Variants in TMEM132D observed in about 807,000 individuals in gnomAD.
TMEM132D encodes mature OL transmembrane protein.
A neutral mutation model predicts 62.3 loss-of-function variants in TMEM132D; 21 were observed. The ratio of observed to expected loss-of-function variants is 0.34; its 90% CI spans 0.24 to 0.49. The LOEUF (loss-of-function observed/expected upper bound fraction) is 0.49, where lower values mean the gene tolerates loss of function less well. Ranked by LOEUF, TMEM132D falls within the 20% of genes least tolerant of loss-of-function variation. The pLI is 0.99. For synonymous variants in TMEM132D, 621 were observed against 575.6 expected (o/e 1.08, Z -1.13); for missense variants, 1,346 against 1,402.8 (o/e 0.96, Z 0.65).
intron 5 of TMEM132D, among the ~76,000 whole-genome samples, chr12:129,167,375 T>C (rs1877597037): frequency 6.6e-6 from 1 of 152,096 alleles, no homozygotes; most frequent in African/African-American, 2.4e-5. Context: ...TCCAGCTATG[T>C]GGCTGTTGGC....
chr12:129,833,014 C>A (rs1486877681), intron 1 of TMEM132D, among the ~76,000 whole-genome samples: 1 of 152,226 alleles, frequency 6.6e-6, no homozygotes, highest in Admixed American at 6.5e-5. Flanking sequence ...GTTCTTCACA[C>A]TGATGCCTCT....
intron 5 of TMEM132D, among the ~76,000 whole-genome samples, chr12:129,089,603 G>T (rs1181942570): frequency 2.0e-5 from 3 of 152,222 alleles, no homozygotes; most frequent in Non-Finnish European, 4.4e-5. Flanking sequence ...CCTGACCGGG[G>T]TGTCCTCCCT....
At chr12:129,113,959 G>A (rs972472640) in intron 5 of TMEM132D, among the ~76,000 whole-genome samples, 2 of 152,104 alleles carry the variant, frequency 1.3e-5, no homozygotes, top group Admixed American at 1.3e-4. Flanking sequence ...GGCTTCAGCA[G>A]GAGGAGACCT....
At chr12:129,305,548 T>A (rs1186289368) in intron 4 of TMEM132D, among the ~76,000 whole-genome samples, 2 of 152,322 alleles carry the variant, frequency 1.3e-5, no homozygotes, top group African/African-American at 2.4e-5. Flanking sequence ...TGGCCTGTTA[T>A]AAAGCCATCC....
rs574683117 is a variant in TMEM132D at position 129,600,908 on chromosome 12, C to T, written c.969-69703G>A. Among the ~76,000 whole-genome samples the T allele has an allele frequency of 9.9e-5, 15 of 152,208 alleles. No individual in the cohort carries two copies. The South Asian group carries it at 1.5e-3, about 15-fold the overall frequency. ...CCTAGGAATTTCAGAGTGGTAAATG[C>T]GTGTTGGCTTCAACTTAAAGTCACC... is the stretch of plus-strand genomic sequence containing the variant. On this transcript the variant is annotated intron_variant, in intron 2 of 8. Transcript: ENST00000422113.
chr12:129,126,660 T>G (rs1334135185), intron 5 of TMEM132D, among the ~76,000 whole-genome samples: 1 of 152,156 alleles, frequency 6.6e-6, no homozygotes, highest in Admixed American at 6.6e-5. Context: ...TGGCAGGGGC[T>G]TATGTTACGT....
At chr12:129,525,534 A>G (rs1326921662) in intron 3 of TMEM132D, among the ~76,000 whole-genome samples, 2 of 152,104 alleles carry the variant, frequency 1.3e-5, no homozygotes. Flanking sequence ...TGCATATACT[A>G]CATGGGTGCT....
intron 4 of TMEM132D, among the ~76,000 whole-genome samples, chr12:129,249,042 A>G (rs1880196780): frequency 1.3e-5 from 2 of 152,214 alleles, no homozygotes; most frequent in African/African-American, 4.8e-5. Flanking sequence ...CTGGATAAAG[A>G]AAACGTGGCA....
At chr12:129,556,466 C>G (rs1877060785) in intron 2 of TMEM132D, among the ~76,000 whole-genome samples, 1 of 148,078 alleles carries the variant, frequency 6.8e-6, no homozygotes, top group South Asian at 2.2e-4. Context: ...TGGGGTGGAG[C>G]TTTTTTTTTT....
At chr12:129,172,085 G>A (rs1258636644) in intron 5 of TMEM132D, among the ~76,000 whole-genome samples, 1 of 152,200 alleles carries the variant, frequency 6.6e-6, no homozygotes, top group East Asian at 1.9e-4. Context: ...AATGATATTA[G>A]CTAGATCTTC....
At chr12:129,822,787 A>G (rs566857751) in intron 1 of TMEM132D, among the ~76,000 whole-genome samples, 6 of 152,288 alleles carry the variant, frequency 3.9e-5, no homozygotes, top group Non-Finnish European at 7.3e-5. Flanking sequence ...CATGACGAGC[A>G]TGGGGAAAAT....
At chr12:129,721,154 CA>C (rs1868812293) in intron 1 of TMEM132D, among the ~76,000 whole-genome samples, 1 of 152,142 alleles carries the variant, frequency 6.6e-6, no homozygotes, top group Non-Finnish European at 1.5e-5. Flanking sequence ...AGTTCAGGGA[CA>C]TGGGGCCATG....
chr12:129,113,797 G>C (rs1328590785), intron 5 of TMEM132D, among the ~76,000 whole-genome samples: 2 of 152,144 alleles, frequency 1.3e-5, no homozygotes, highest in East Asian at 1.9e-4. Context: ...TGTAGAAGGA[G>C]AGCAATACAT....
At chr12:129,076,755 C>A (rs959562512) in intron 8 of TMEM132D, among the ~76,000 whole-genome samples, 2 of 152,186 alleles carry the variant, frequency 1.3e-5, no homozygotes, top group Admixed American at 1.3e-4. Flanking sequence ...AAGAGCCCTG[C>A]AAACCAACCA....
At chr12:129,870,219 G>A (rs910428154) in intron 1 of TMEM132D, among the ~76,000 whole-genome samples, 19 of 152,154 alleles carry the variant, frequency 1.2e-4, no homozygotes, top group African/African-American at 3.6e-4. Flanking sequence ...CTGGGCTCAA[G>A]AGATCCACCC....
At chr12:129,342,453 A>T (rs1869527310) in intron 3 of TMEM132D, among the ~76,000 whole-genome samples, 1 of 151,690 alleles carries the variant, frequency 6.6e-6, no homozygotes, top group South Asian at 2.1e-4. Context: ...TACATGTTAG[A>T]CCTAAAACCA....
At chr12:129,432,514 G>T (rs1218214788) in intron 3 of TMEM132D, among the ~76,000 whole-genome samples, 2 of 152,240 alleles carry the variant, frequency 1.3e-5, no homozygotes, top group African/African-American at 4.8e-5. Flanking sequence ...GTATAAGTAA[G>T]ACAACTTTTC....
At chr12:129,329,244 G>A (rs1869023480) in intron 4 of TMEM132D, among the ~76,000 whole-genome samples, 1 of 151,988 alleles carries the variant, frequency 6.6e-6, no homozygotes, top group African/African-American at 2.4e-5. Context: ...TGTTTAGGGA[G>A]CAATGGCTAC....
chr12:129,519,610 C>CTTTTTTTT (rs35695419), intron 3 of TMEM132D, among the ~76,000 whole-genome samples: 1 of 147,000 alleles, frequency 6.8e-6, no homozygotes. Context: ...GATAAGAATG[C>CTTTTTTTT]TTTTTTTTTT....
Sources: gnomAD v4.1 joint callset for allele counts (sites outside exome capture counted in the v4.1 genomes callset) on GRCh38, gnomAD v4.1.1 for gene constraint, MANE v1.5 for transcripts, NCBI Gene and HGNC (gene_info 2026-07-23, HGNC 2026-07-21) for gene names.